PABPN1L: variants seen among roughly 807,000 people sequenced by gnomAD.
PABPN1L encodes the protein embryonic polyadenylate-binding protein 2.
In PABPN1L, 45 loss-of-function variants were observed where a neutral mutation model predicts 34.0. The observed-to-expected ratio is 1.32, with a 90% CI of 1.04 to 1.70. The LOEUF (loss-of-function observed/expected upper bound fraction) is 1.70. PABPN1L is among the 40% of genes most tolerant of loss of function. PABPN1L has a pLI of 0.00. For missense variants in PABPN1L, 459 were observed against 367.8 expected, an observed-to-expected ratio of 1.25 and a Z score of -2.03; for synonymous variants, 182 against 152.1, an observed-to-expected ratio of 1.20 and a Z score of -1.45.
At chr16:88,870,088 TTTTCA>T (rs1968668958), upstream of PABPN1L, among the ~76,000 whole-genome samples, 2 of 150,398 alleles carry the variant, frequency 1.3e-5, no homozygotes, top group East Asian at 2.0e-4. Flanking sequence ...GTCCCCTCAG[TTTTCA>T]TTTCTTTTTT....
intron 2 of PABPN1L, 35 bp downstream of exon 2, chr16:88,865,771 C>T (rs1258473771): frequency 1.9e-6 from 3 of 1,582,822 alleles, no homozygotes; most frequent in South Asian, 1.1e-5. Flanking sequence ...GGGACCCTTG[C>T]TCAGTGGGGG....
chr16:88,867,773 A>G (rs1462407825), upstream of PABPN1L, among the ~76,000 whole-genome samples: 1 of 152,176 alleles, frequency 6.6e-6, no homozygotes, highest in Non-Finnish European at 1.5e-5. Context: ...TGCACCTGCC[A>G]CCGCGGCTGC....
chr16:88,868,324 C>T (rs981913094), upstream of PABPN1L, among the ~76,000 whole-genome samples: 2 of 151,888 alleles, frequency 1.3e-5, no homozygotes, highest in Non-Finnish European at 2.9e-5. Flanking sequence ...GTTTGGAGGC[C>T]GGGCATGGTG....
At position 88,865,874 on chromosome 16, in the gene PABPN1L, C is replaced by G. The variant is rs922928988; in HGVS notation, c.323G>C (p.Gly108Ala). Residue 108 changes from glycine to alanine, a missense_variant, in exon 2 of 7, where the codon GGA becomes GCA. Coordinates refer to ENST00000419291, the Ensembl canonical transcript of PABPN1L. ...CTCTTCCTCGGCCTGTTGCTGCACTCCTGGAGGCCGTGGCGTCCCCTCGGC... is the reference window on the plus strand; with the variant it reads ...CTCTTCCTCGGCCTGTTGCTGCACTGCTGGAGGCCGTGGCGTCCCCTCGGC... 3 of 1,610,010 alleles carry G rather than the reference C, an allele frequency of 1.9e-6. No individual in the cohort carries two copies. The highest frequency in any genetic ancestry group is 2.5e-6 in the Non-Finnish European group (3 of 1,179,412).
Position 88,864,155 on chromosome 16 carries a change from C to T in PABPN1L, c.797+82G>A, listed in dbSNP as rs564915837. On this transcript the variant is annotated intron_variant, in intron 6 of 6. Transcript: ENST00000419291. Reference sequence around the variant, plus strand: ...TACATTCCTGCAGCCCCATGAGGAACGAGCTCAGGGACCCCCTCCTGCCCC... The same window carrying T: ...TACATTCCTGCAGCCCCATGAGGAATGAGCTCAGGGACCCCCTCCTGCCCC... The T allele has an allele frequency of 3.2e-5, 47 of 1,451,786 alleles. 1 individual carries two copies. The highest frequency in any genetic ancestry group is 3.0e-4 in the South Asian group (22 of 74,434). The allele number at this position is 1,451,786 out of a possible 1,614,324, so 89.9% of individuals were successfully genotyped here.
chr16:88,867,206 C>T (rs1968622027), upstream of PABPN1L, among the ~76,000 whole-genome samples: 1 of 151,472 alleles, frequency 6.6e-6, no homozygotes, highest in East Asian at 1.9e-4. Context: ...GCCTCCCTAA[C>T]CCTTATTCTG....
upstream of PABPN1L, among the ~76,000 whole-genome samples, chr16:88,868,707 G>A (rs750753141): frequency 3.3e-5 from 5 of 151,952 alleles, no homozygotes; most frequent in South Asian, 4.1e-4. Flanking sequence ...AAGGGAGGGC[G>A]GATAAAAGGC....
chr16:88,866,589 G>C, exon 1 of PABPN1L: 1 of 1,549,598 alleles, frequency 6.5e-7, no homozygotes, highest in Non-Finnish European at 8.7e-7. Context: ...AGAGAGAGCG[G>C]CTCGGGAAGG....
chr16:88,865,457 G>C, intron 3 of PABPN1L, 106 bp downstream of exon 3: 1 of 1,418,452 alleles, frequency 7.0e-7, no homozygotes, highest in Non-Finnish European at 9.6e-7. Context: ...CCCAGGGTCA[G>C]ACCCCCTTCC....
chr16:88,865,155 G>A (rs1453442945), intron 3 of PABPN1L, 27 bp from the exon 4 acceptor site: 1 of 1,550,762 alleles, frequency 6.4e-7, no homozygotes, highest in Admixed American at 1.9e-5. Flanking sequence ...ACCAGCATGT[G>A]AGGGAGACGC....
rs1034046359 is a variant in PABPN1L, at chr16:88,866,305, G to A, written c.255+47C>T. 3.1e-5 allele frequency: 47 copies of A among 1,525,534 alleles called. No homozygotes were observed. The Admixed American group carries it at 5.0e-4, about 16-fold the overall frequency. 94.5% of individuals were successfully genotyped at this position (1,525,534 alleles called of 1,614,324 possible). ...AGACCCCGTGTCTCCACCAGCCCCT[G>A]TGCCCCAGGTCCCCTGAGATCCCCA... On this transcript the variant is annotated intron_variant, in intron 1 of 6. Transcript: ENST00000419291.
At chr16:88,866,115 G>A (rs1412705517) in intron 1 of PABPN1L, among the ~76,000 whole-genome samples, 174 bp from the exon 2 acceptor site, 1 of 152,228 alleles carries the variant, frequency 6.6e-6, no homozygotes, top group African/African-American at 2.4e-5. Context: ...CCCCTGCAGA[G>A]AAGCCCCCGA....
intron 3 of PABPN1L, 55 bp from the exon 4 acceptor site, chr16:88,865,183 C>T (rs1003744932): frequency 1.3e-6 from 2 of 1,526,568 alleles, no homozygotes; most frequent in African/African-American, 1.4e-5. Flanking sequence ...TGACTCGGGG[C>T]CTTCTTGTTA....
chr16:88,867,482 C>T (rs943806343), upstream of PABPN1L, among the ~76,000 whole-genome samples: 10 of 152,316 alleles, frequency 6.6e-5, no homozygotes, highest in South Asian at 2.1e-4. Context: ...CCGCCCGACT[C>T]GGCCTCCCGA....
intron 5 of PABPN1L, 80 bp from the exon 6 acceptor site, chr16:88,864,459 C>T (rs1024773392): frequency 1.8e-5 from 27 of 1,475,822 alleles, no homozygotes; most frequent in Non-Finnish European, 2.3e-5. Context: ...CCCACCACCC[C>T]GGAGCATGGG....
At chr16:88,866,443 T>C (rs1349766716) in exon 1 of PABPN1L, 2 of 1,551,608 alleles carry the variant, frequency 1.3e-6, no homozygotes, top group Non-Finnish European at 1.7e-6. Flanking sequence ...CTCTGCATCC[T>C]CTTCCTCCTC....
intron 5 of PABPN1L, 42 bp downstream of exon 5, chr16:88,864,811 C>T: frequency 6.5e-7 from 1 of 1,542,558 alleles, no homozygotes; most frequent in Non-Finnish European, 8.8e-7. Flanking sequence ...TGGGCCAGCC[C>T]CTCTGCGCTC....
rs544029212 is a variant in PABPN1L at position 88,865,138 on chromosome 16, G to A, written c.460-10C>T. ...AGCCCCCGTAGTCCACCTGCACCCA[G>A]GCCCAGACCAGCATGTGAGGGAGAC... On this transcript the variant is annotated splice_polypyrimidine_tract_variant and intron_variant, in intron 3 of 6. Transcript: ENST00000419291. 5.1e-6 allele frequency: 8 copies of A among 1,561,306 alleles called. No individual in the cohort carries two copies. The East Asian group carries it at 1.4e-4, about 28-fold the overall frequency.
chr16:88,865,819 G>A (rs763204459), exon 2 of PABPN1L: 1 of 1,606,564 alleles, frequency 6.2e-7, no homozygotes, highest in Non-Finnish European at 8.5e-7. Flanking sequence ...CGGTCTCAGG[G>A]CTCAGCAGCT....
Sources: gnomAD v4.1 joint callset for allele counts (sites outside exome capture counted in the v4.1 genomes callset) on GRCh38, gnomAD v4.1.1 for gene constraint, MANE v1.5 for transcripts, NCBI Gene and HGNC (gene_info 2026-07-23, HGNC 2026-07-21) for gene names.